Variants in SCN1A observed in about 807,000 individuals in gnomAD.
SCN1A encodes the protein sodium channel protein type 1 subunit alpha.
In SCN1A, 13 loss-of-function variants were observed where a neutral mutation model predicts 193.7. That is an observed-to-expected ratio of 0.07 (90% CI 0.04 to 0.11). The LOEUF (loss-of-function observed/expected upper bound fraction) is 0.11. SCN1A is among the 10% of genes least tolerant of loss of function. SCN1A has a pLI of 1.00. For synonymous variants in SCN1A, 781 were observed against 843.6 expected, an observed-to-expected ratio of 0.93 and a Z score of 1.29; for missense variants, 1,432 against 2,451.1, an observed-to-expected ratio of 0.58 and a Z score of 8.78.
At chr2:166,086,270 CT>C (rs993941293) in intron 2 of SCN1A, among the ~76,000 whole-genome samples, 8 of 152,172 alleles carry the variant, frequency 5.3e-5, no homozygotes, top group African/African-American at 1.7e-4. Context: ...CCACCTGACA[CT>C]TTCCCTCCAT....
intron 19 of SCN1A, among the ~76,000 whole-genome samples, chr2:166,031,929 A>G (rs4667862): frequency 0.74 from 112,084 of 151,926 alleles, 41,725 homozygotes; most frequent in East Asian, 0.89. Context: ...ATAACCATTT[A>G]CCAACTTTAT....
intron 28 of SCN1A, 199 bp downstream of exon 28, chr2:165,993,947 T>C: frequency 1.7e-6 from 1 of 600,968 alleles, no homozygotes; most frequent in Non-Finnish European, 2.9e-6. Context: ...AAGTATATTG[T>C]TCTAAATGGA....
At chr2:166,014,644 A>G (rs927093366) in intron 20 of SCN1A, among the ~76,000 whole-genome samples, 3 of 132,384 alleles carry the variant, frequency 2.3e-5, no homozygotes, top group Admixed American at 1.5e-4. Context: ...CTCCAAGGCA[A>G]AAAAAAAAAA....
chr2:165,989,274 T>C lies in SCN1A; in HGVS notation c.*1971A>G, dbSNP rs1389663377. 1 of 152,512 alleles carries C rather than the reference T, an allele frequency of 6.6e-6. No individual in the cohort carries two copies. The highest frequency in any genetic ancestry group is 1.5e-5 in the Non-Finnish European group (1 of 68,020). 9.4% of individuals were successfully genotyped at this position (152,512 alleles called of 1,614,324 possible). A position where few individuals can be genotyped will look rare whatever the true frequency, so the allele number is the denominator to read the frequency against. On this transcript the variant is annotated 3_prime_UTR_variant, in exon 29 of 29. Transcript: ENST00000674923. ...AGTTCACGAATACAGTTTATCTAAG[T>C]AGTTTTAAGGAAAAGAGGAGCCTAT... is the stretch of plus-strand genomic sequence containing the variant.
At chr2:166,101,482 A>C in intron 2 of SCN1A, among the ~76,000 whole-genome samples, 1 of 137,490 alleles carries the variant, frequency 7.3e-6, no homozygotes, top group East Asian at 2.3e-4. Flanking sequence ...CACAATGTGC[A>C]CATGTACCCT....
chr2:166,047,602 G>A, intron 11 of SCN1A, 25 bp downstream of exon 11: 1 of 1,612,186 alleles, frequency 6.2e-7, no homozygotes, highest in Non-Finnish European at 8.5e-7. Context: ...TACTTAAATG[G>A]AGAGTGTGGC....
intron 2 of SCN1A, among the ~76,000 whole-genome samples, chr2:166,093,150 A>C (rs900270684): frequency 6.6e-6 from 1 of 151,848 alleles, no homozygotes; most frequent in Non-Finnish European, 1.5e-5. Flanking sequence ...AGGATGAGGA[A>C]GCTATGTCTG....
chr2:166,070,404 G>T (rs1232004540), intron 4 of SCN1A, among the ~76,000 whole-genome samples: 5 of 152,300 alleles, frequency 3.3e-5, no homozygotes, highest in African/African-American at 7.2e-5. Flanking sequence ...CCCTTATCAG[G>T]TTGTTCTACT....
At chr2:166,015,196 A>G (rs73969749) in intron 20 of SCN1A, among the ~76,000 whole-genome samples, 5,347 of 151,826 alleles carry the variant, frequency 0.035, 315 homozygotes, top group African/African-American at 0.12. Context: ...TCCAACAATT[A>G]TTGGAAACTG....
chr2:166,062,054 G>GT (rs1302694826), intron 4 of SCN1A, among the ~76,000 whole-genome samples: 2 of 152,078 alleles, frequency 1.3e-5, no homozygotes. Context: ...AACGGTATTT[G>GT]TTTTGCTTTA....
chr2:166,019,863 C>A (rs1437619699), intron 19 of SCN1A, among the ~76,000 whole-genome samples: 1 of 151,298 alleles, frequency 6.6e-6, no homozygotes, highest in Non-Finnish European at 1.5e-5. Context: ...CCAAATCTCC[C>A]AAATTTGTCT....
At chr2:166,115,398 A>C (rs1689746312) in intron 2 of SCN1A, among the ~76,000 whole-genome samples, 1 of 152,132 alleles carries the variant, frequency 6.6e-6, no homozygotes, top group African/African-American at 2.4e-5. Context: ...TCAAAATGAT[A>C]AAAGGAGAAG....
chr2:166,089,177 G>C (rs892575375), intron 2 of SCN1A, among the ~76,000 whole-genome samples: 1 of 151,468 alleles, frequency 6.6e-6, no homozygotes, highest in African/African-American at 2.4e-5. Context: ...CCCACCCCTC[G>C]ATAGGCCCCA....
chr2:166,118,794 A>G (rs1336686803), intron 2 of SCN1A, among the ~76,000 whole-genome samples: 1 of 152,112 alleles, frequency 6.6e-6, no homozygotes, highest in Non-Finnish European at 1.5e-5. Flanking sequence ...TCTTTCCTCT[A>G]TGAATATGTA....
In SCN1A at chr2:166,041,479, G is replaced by GAAAAA; in HGVS notation, c.2177-15_2177-11dup. The stretch of plus-strand genomic sequence containing the variant: ...CTGGATTCTTCAAGTTCTAGATTAA[G>GAAAAA]AAAAAAAAAAAAAAGAACCACCAAA... On this transcript the variant is annotated splice_polypyrimidine_tract_variant and intron_variant, in intron 15 of 28. Transcript: ENST00000674923. 3.5e-6 allele frequency: 4 copies of GAAAAA among 1,133,834 alleles called. No homozygotes were observed. Among genetic ancestry groups the GAAAAA allele is most frequent in the Non-Finnish European group, 2.5e-6 (2 of 791,806 alleles). The allele number at this position is 1,133,834 out of a possible 1,614,324, so 70.2% of individuals were successfully genotyped here. A position where few individuals can be genotyped will look rare whatever the true frequency, so the allele number is the denominator to read the frequency against.
At chr2:166,094,667 T>C (rs1401208056) in intron 2 of SCN1A, among the ~76,000 whole-genome samples, 1 of 152,220 alleles carries the variant, frequency 6.6e-6, no homozygotes, top group East Asian at 1.9e-4. Context: ...CTTCTAATAA[T>C]TTAGTTGCTA....
At chr2:166,093,966 C>A (rs1207024774) in intron 2 of SCN1A, among the ~76,000 whole-genome samples, 1 of 152,094 alleles carries the variant, frequency 6.6e-6, no homozygotes, top group Non-Finnish European at 1.5e-5. Flanking sequence ...CTTATGACCC[C>A]AATATGTTTT....
In SCN1A at chr2:166,033,487, G is replaced by A. The variant is rs969219856; in HGVS notation, c.3429+2561C>T. On this transcript the variant is annotated intron_variant, in intron 19 of 28. Coordinates refer to ENST00000674923, the MANE Select transcript of SCN1A (RefSeq NM_001165963.4). The stretch of plus-strand genomic sequence containing the variant: ...AGCACTTTGGGAGGCTGAGGTGGGC[G>A]GATCACTATTTCATTAAAATTAAAA... 5.9e-5 allele frequency among the ~76,000 whole-genome samples: 9 copies of A among 151,364 alleles called. No individual in the cohort carries two copies. In the East Asian group the frequency reaches 1.5e-3, roughly 26 times the overall value.
intron 2 of SCN1A, among the ~76,000 whole-genome samples, chr2:166,091,144 A>G (rs1341773051): frequency 6.6e-6 from 1 of 152,250 alleles, no homozygotes; most frequent in Non-Finnish European, 1.5e-5. Flanking sequence ...CTTTGCAGCA[A>G]CATACTAATG....
Sources: allele counts gnomAD v4.1 joint callset (sites outside exome capture counted in the v4.1 genomes callset), GRCh38; gene constraint gnomAD v4.1.1; transcripts MANE v1.5; gene names NCBI Gene and HGNC (gene_info 2026-07-23, HGNC 2026-07-21).